Variants in RANBP10 observed in about 807,000 individuals in gnomAD.
RANBP10 encodes ran-binding protein 10.
A neutral mutation model predicts 72.8 loss-of-function variants in RANBP10; 24 were observed. The ratio of observed to expected loss-of-function variants is 0.33; its 90% confidence interval spans 0.24 to 0.46. The LOEUF (loss-of-function observed/expected upper bound fraction) is 0.46. Ranked by LOEUF, RANBP10 falls within the 20% of genes least tolerant of loss-of-function variation. RANBP10 has a pLI of 1.00. For synonymous variants in RANBP10, 310 were observed against 322.3 expected (o/e 0.96, Z 0.41); for missense variants, 679 against 817.5 (o/e 0.83, Z 2.07).
intron 5 of RANBP10, among the ~76,000 whole-genome samples, chr16:67,737,198 T>G (rs796439409): frequency 7.6e-6 from 1 of 131,792 alleles, no homozygotes; most frequent in Non-Finnish European, 1.6e-5. Context: ...TTTTCTTTTT[T>G]TTTTTTTTTT....
intron 3 of RANBP10, among the ~76,000 whole-genome samples, chr16:67,753,833 C>A (rs1396578179): frequency 6.6e-6 from 1 of 151,966 alleles, no homozygotes; most frequent in African/African-American, 2.4e-5. Flanking sequence ...ATGGTGGCAC[C>A]ATTTATCAAG....
At chr16:67,775,005 A>C (rs1406264930) in intron 2 of RANBP10, among the ~76,000 whole-genome samples, 2 of 152,168 alleles carry the variant, frequency 1.3e-5, no homozygotes, top group East Asian at 3.9e-4. Flanking sequence ...ACCTTAACAC[A>C]ACAAAGGTCA....
chr16:67,795,638 C>T (rs1018426416), intron 2 of RANBP10, among the ~76,000 whole-genome samples: 3 of 151,806 alleles, frequency 2.0e-5, no homozygotes, highest in Non-Finnish European at 1.5e-5. Flanking sequence ...GAGGCCGAGG[C>T]GGGTGGATCA....
At chr16:67,805,862 G>T (rs1207234425) in intron 1 of RANBP10, among the ~76,000 whole-genome samples, 1 of 152,216 alleles carries the variant, frequency 6.6e-6, no homozygotes, top group South Asian at 2.1e-4. Flanking sequence ...GAAGAAGGAT[G>T]AGGCCGACCT....
chr16:67,800,377 C>G (rs2055214556), intron 2 of RANBP10, among the ~76,000 whole-genome samples: 1 of 152,180 alleles, frequency 6.6e-6, no homozygotes, highest in Admixed American at 6.5e-5. Flanking sequence ...AAGCAACCAT[C>G]ACATGTCAGG....
chr16:67,774,411 T>C (rs2054660309), intron 2 of RANBP10, among the ~76,000 whole-genome samples: 2 of 152,214 alleles, frequency 1.3e-5, no homozygotes, highest in South Asian at 4.1e-4. Context: ...AAAGCACCTG[T>C]GCTCAAAACA....
At chr16:67,771,928 G>A (rs1272967672) in intron 3 of RANBP10, 106 bp downstream of exon 3, 10 of 1,309,746 alleles carry the variant, frequency 7.6e-6, no homozygotes, top group Non-Finnish European at 9.6e-6. Flanking sequence ...CTTGAGGTAG[G>A]CAGCTAGCAA....
At chr16:67,771,160 G>A (rs1214515667) in intron 3 of RANBP10, among the ~76,000 whole-genome samples, 1 of 151,530 alleles carries the variant, frequency 6.6e-6, no homozygotes, top group Non-Finnish European at 1.5e-5. Flanking sequence ...TACTAGGAAG[G>A]CTGAGGATCA....
chr16:67,762,101 C>T, intron 3 of RANBP10, among the ~76,000 whole-genome samples: 1 of 151,858 alleles, frequency 6.6e-6, no homozygotes, highest in Non-Finnish European at 1.5e-5. Context: ...AAATAAAAAA[C>T]AAACAAACAA....
chr16:67,785,746 AGC>A, intron 2 of RANBP10, among the ~76,000 whole-genome samples: 1 of 149,896 alleles, frequency 6.7e-6, no homozygotes, highest in Non-Finnish European at 1.5e-5. Context: ...AAAAAAAAAA[AGC>A]CAGGCACAGT....
intron 5 of RANBP10, among the ~76,000 whole-genome samples, chr16:67,737,319 G>A (rs2053871607): frequency 1.3e-5 from 2 of 148,374 alleles, no homozygotes; most frequent in Admixed American, 6.9e-5. Flanking sequence ...TCCTGCCTCA[G>A]CCTCCCGAGG....
Position 67,729,598 on chromosome 16 carries a change from A to T in RANBP10, c.1147+82T>A. 6.4e-7 allele frequency: 1 copy of T among 1,551,310 alleles called. No homozygotes were observed. The highest frequency in any genetic ancestry group is 1.2e-5 in the South Asian group (1 of 82,228). On this transcript the variant is annotated intron_variant, in intron 9 of 13. Transcript: ENST00000317506. This position sits in a 1 kb window ranked among gnomAD's most constrained non-coding sequence, Gnocchi z 7.1. ...CTCCCAAATCCAGCAGTGAGCCCTG[A>T]GCCCAGCCCAGGAAAGGGTATGTGG...
At chr16:67,732,262 T>C (rs1420551094) in intron 6 of RANBP10, among the ~76,000 whole-genome samples, 1 of 152,128 alleles carries the variant, frequency 6.6e-6, no homozygotes, top group Non-Finnish European at 1.5e-5. Flanking sequence ...GCAGGGCCAA[T>C]GGGAACACAG....
chr16:67,733,611 T>C (rs1225476863), intron 6 of RANBP10, among the ~76,000 whole-genome samples: 1 of 152,218 alleles, frequency 6.6e-6, no homozygotes, highest in South Asian at 2.1e-4. Context: ...ACAAATTATA[T>C]GCAGGTCTTG....
intron 3 of RANBP10, among the ~76,000 whole-genome samples, chr16:67,765,920 G>A (rs1340259497): frequency 6.6e-6 from 1 of 152,186 alleles, no homozygotes; most frequent in Non-Finnish European, 1.5e-5. Flanking sequence ...GGCTGAGGTG[G>A]AAGGAGCACT....
At chr16:67,750,195 A>G (rs2054167918) in intron 3 of RANBP10, among the ~76,000 whole-genome samples, 1 of 152,266 alleles carries the variant, frequency 6.6e-6, no homozygotes, top group Middle Eastern at 3.4e-3. Flanking sequence ...TTATGTGGCC[A>G]TGGGGGCACA....
chr16:67,769,466 C>G, intron 3 of RANBP10, among the ~76,000 whole-genome samples: 1 of 18,892 alleles, frequency 5.3e-5, no homozygotes, highest in Non-Finnish European at 1.4e-4. Context: ...AAAAAAAGTG[C>G]TGGGCGCAGT....
intron 2 of RANBP10, among the ~76,000 whole-genome samples, chr16:67,798,694 C>T (rs541130366): frequency 2.0e-4 from 30 of 152,260 alleles, no homozygotes; most frequent in Admixed American, 9.8e-4. Context: ...ACCAAAGGAA[C>T]AGCCAAGAGA....
chr16:67,776,367 C>CA (rs1567703608), intron 2 of RANBP10, among the ~76,000 whole-genome samples: 1 of 143,726 alleles, frequency 7.0e-6, no homozygotes, highest in Admixed American at 7.6e-5. Flanking sequence ...GAGGGTGAGG[C>CA]AGGAGAATCG....
Sources: allele counts gnomAD v4.1 joint callset (sites outside exome capture counted in the v4.1 genomes callset), GRCh38; gene constraint gnomAD v4.1.1; non-coding constraint Gnocchi (gnomAD v3.1); transcripts MANE v1.5; gene names NCBI Gene and HGNC (gene_info 2026-07-23, HGNC 2026-07-21).